The following LY96 variants were observed in gnomAD, a reference collection of about 807,000 sequenced individuals.
The protein encoded by LY96 is myeloid differentiation protein-2.
LY96 carries 18 observed loss-of-function variants against 18.9 expected under a neutral mutation model. That is an observed-to-expected ratio of 0.95 (90% CI 0.66 to 1.41). LY96 has a LOEUF of 1.41. Ranked by LOEUF, LY96 falls within the 40% of genes most tolerant of loss-of-function variation. The pLI, the probability that LY96 is intolerant of heterozygous loss-of-function variation, is 0.00. For synonymous variants in LY96, 66 were observed against 62.6 expected (o/e 1.06, Z -0.26); for missense variants, 175 against 182.4 (o/e 0.96, Z 0.23).
At chr8:74,038,591 A>C in the LY96 span, among the ~76,000 whole-genome samples, 1 of 152,140 alleles carries the variant, frequency 6.6e-6, no homozygotes, top group Admixed American at 6.5e-5. Flanking sequence ...GGGTCTTACT[A>C]TATTGACCAG....
chr8:74,086,633 G>A, the LY96 span, among the ~76,000 whole-genome samples: 23,881 of 152,186 alleles, frequency 0.16, 3,403 homozygotes, highest in African/African-American at 0.39. Context: ...TCTAACTGAT[G>A]CTGTTTGCTT....
At chr8:74,018,199 G>A (rs1372066271) in intron 3 of LY96, among the ~76,000 whole-genome samples, 3 of 151,504 alleles carry the variant, frequency 2.0e-5, no homozygotes, top group African/African-American at 7.3e-5. Flanking sequence ...ATAAAGGGAT[G>A]GAGGAAGATC....
chr8:74,057,675 T>C, the LY96 span, among the ~76,000 whole-genome samples: 1 of 152,164 alleles, frequency 6.6e-6, no homozygotes, highest in African/African-American at 2.4e-5. Flanking sequence ...CCCACTTAGG[T>C]TTCTCTCATC....
chr8:74,096,748 C>A, the LY96 span, among the ~76,000 whole-genome samples: 16 of 152,322 alleles, frequency 1.1e-4, no homozygotes, highest in South Asian at 3.3e-3. Context: ...TGACACATAG[C>A]AGGTCCTCAG....
At chr8:74,081,113 CTTT>C in the LY96 span, among the ~76,000 whole-genome samples, 51 of 137,102 alleles carry the variant, frequency 3.7e-4, 1 homozygote, top group African/African-American at 9.7e-4. Flanking sequence ...TTCTTTCTTT[CTTT>C]CTTTCTTTCC....
the LY96 span, among the ~76,000 whole-genome samples, chr8:74,061,625 C>T: frequency 2.0e-5 from 3 of 152,042 alleles, no homozygotes; most frequent in African/African-American, 4.8e-5. Context: ...TTTTTAATGT[C>T]TCACCACAAA....
At chr8:74,021,858 G>C (rs1331632066) in intron 3 of LY96, among the ~76,000 whole-genome samples, 1 of 151,978 alleles carries the variant, frequency 6.6e-6, no homozygotes, top group Non-Finnish European at 1.5e-5. Context: ...ACTCATAGGT[G>C]GGAATTGAAC....
chr8:74,044,604 C>T, the LY96 span, among the ~76,000 whole-genome samples: 2,771 of 152,110 alleles, frequency 0.018, 96 homozygotes, highest in African/African-American at 0.06. Context: ...CTGATCAGAG[C>T]ATGGGAAGAG....
the LY96 span, among the ~76,000 whole-genome samples, chr8:74,058,204 A>G: frequency 6.6e-6 from 1 of 152,118 alleles, no homozygotes; most frequent in Non-Finnish European, 1.5e-5. Context: ...ATATTACAAC[A>G]CAGATTATGC....
chr8:74,018,237 AT>A (rs1287851382), intron 3 of LY96, among the ~76,000 whole-genome samples: 2 of 151,728 alleles, frequency 1.3e-5, no homozygotes, highest in African/African-American at 4.8e-5. Flanking sequence ...GCAAAAAAAA[AT>A]AAAAAAAATA....
chr8:74,095,231 A>G, the LY96 span, among the ~76,000 whole-genome samples: 3 of 152,126 alleles, frequency 2.0e-5, no homozygotes, highest in African/African-American at 7.2e-5. Flanking sequence ...TGCTTAAGAG[A>G]TTAAGCTTTA....
At chr8:74,035,059 T>C in the LY96 span, among the ~76,000 whole-genome samples, 1 of 152,234 alleles carries the variant, frequency 6.6e-6, no homozygotes, top group Admixed American at 6.5e-5. Flanking sequence ...GATATATATT[T>C]AAAAACTTTT....
At chr8:74,021,156 T>A (rs1476967341) in intron 3 of LY96, among the ~76,000 whole-genome samples, 1 of 152,132 alleles carries the variant, frequency 6.6e-6, no homozygotes, top group Non-Finnish European at 1.5e-5. Flanking sequence ...GGAGAAAATT[T>A]TTACAATCTA....
intron 3 of LY96, among the ~76,000 whole-genome samples, chr8:74,026,146 T>G (rs944154834): frequency 5.0e-5 from 4 of 79,732 alleles, no homozygotes; most frequent in African/African-American, 2.8e-4. Context: ...TTGATTTAAC[T>G]ATATTAAAAA....
At chr8:74,002,345 T>C (rs924157644) in intron 1 of LY96, among the ~76,000 whole-genome samples, 1 of 151,592 alleles carries the variant, frequency 6.6e-6, no homozygotes, top group African/African-American at 2.4e-5. Context: ...GGAACTCTCA[T>C]AATGCATATA....
chr8:74,015,192 G>A (rs970458848), intron 3 of LY96, among the ~76,000 whole-genome samples: 6 of 152,146 alleles, frequency 3.9e-5, no homozygotes, highest in Non-Finnish European at 1.5e-5. Flanking sequence ...GGGCAACAGA[G>A]CAAGATCCTG....
chr8:74,081,101 C>CTTTCTTTCTT, the LY96 span, among the ~76,000 whole-genome samples: 1 of 130,846 alleles, frequency 7.6e-6, no homozygotes, highest in East Asian at 2.2e-4. Flanking sequence ...TTCTTTCTTT[C>CTTTCTTTCTT]TTTCTTTCTT....
chr8:74,083,826 G>C, the LY96 span, among the ~76,000 whole-genome samples: 34,315 of 151,804 alleles, frequency 0.23, 4,352 homozygotes, highest in East Asian at 0.37. Context: ...TGAGTAGCTG[G>C]GACCACAGGC....
chr8:74,014,652 C>T (rs952498732), intron 3 of LY96, among the ~76,000 whole-genome samples: 1 of 151,716 alleles, frequency 6.6e-6, no homozygotes, highest in Non-Finnish European at 1.5e-5. Flanking sequence ...ATCAAGAGAC[C>T]CTTGAAATTT....
Sources: allele counts gnomAD v4.1 joint callset (sites outside exome capture counted in the v4.1 genomes callset), GRCh38; gene constraint gnomAD v4.1.1; transcripts MANE v1.5; gene names NCBI Gene and HGNC (gene_info 2026-07-23, HGNC 2026-07-21).